PACS1: variants seen among roughly 807,000 people sequenced by gnomAD.
PACS1 encodes PACS-1.
Under a neutral mutation model 115.0 loss-of-function variants are expected in PACS1, and 24 were observed. The ratio of observed to expected loss-of-function variants is 0.21; its 90% CI spans 0.15 to 0.29. The LOEUF (loss-of-function observed/expected upper bound fraction) is 0.29, where lower values mean the gene tolerates loss of function less well. Among genes scored for constraint, PACS1 ranks in the 10% least tolerant of loss-of-function variants. The pLI is 1.00. For missense variants in PACS1, 838 were observed against 1,251.2 expected (o/e 0.67, Z 4.98); for synonymous variants, 453 against 504.5 (o/e 0.90, Z 1.37).
At chr11:66,225,281 C>T (rs1040318669) in intron 10 of PACS1, among the ~76,000 whole-genome samples, 6 of 152,206 alleles carry the variant, frequency 3.9e-5, no homozygotes, top group Non-Finnish European at 7.3e-5. Flanking sequence ...CTTCTGGGAC[C>T]TCTAGTGATA....
chr11:66,081,396 A>G (rs1201484370), intron 1 of PACS1, among the ~76,000 whole-genome samples: 1 of 152,032 alleles, frequency 6.6e-6, no homozygotes, highest in African/African-American at 2.4e-5. Context: ...TTTCTTGTCA[A>G]CCTAATTTCT....
At chr11:66,163,333 A>C (rs1859532603) in intron 1 of PACS1, among the ~76,000 whole-genome samples, 1 of 149,098 alleles carries the variant, frequency 6.7e-6, no homozygotes. Context: ...CATGGGCGAC[A>C]GAGTGAGACC....
intron 19 of PACS1, chr11:66,238,081 G>T (rs1855739945): frequency 1.0e-6 from 1 of 985,386 alleles, no homozygotes; most frequent in Non-Finnish European, 1.2e-6. Context: ...CACCTAGTCT[G>T]TGGCTGTGTT....
chr11:66,217,844 C>T, intron 7 of PACS1: 1 of 287,310 alleles, frequency 3.5e-6, no homozygotes, highest in Non-Finnish European at 6.9e-6. Flanking sequence ...CTTTCTTTTT[C>T]CTGCTCTGTA....
At chr11:66,242,166 G>A (rs1855828500) in intron 22 of PACS1, among the ~76,000 whole-genome samples, 1 of 152,200 alleles carries the variant, frequency 6.6e-6, no homozygotes, top group African/African-American at 2.4e-5. Flanking sequence ...GAGCTGGCCC[G>A]GCTCCTGTGC....
At chr11:66,139,812 G>C (rs1858937371) in intron 1 of PACS1, among the ~76,000 whole-genome samples, 1 of 152,098 alleles carries the variant, frequency 6.6e-6, no homozygotes, top group Admixed American at 6.6e-5. Flanking sequence ...AGTAAACATG[G>C]GAATGCAGAG....
Position 66,229,307 on chromosome 11 carries a change from T to G in PACS1, c.1375-1241T>G, listed in dbSNP as rs944907338. On this transcript the variant is annotated intron_variant, in intron 11 of 23. Coordinates refer to ENST00000320580, the MANE Select transcript of PACS1 (RefSeq NM_018026.4). ...GGAAGGCTGAGGTAAGATAACCACT[T>G]GAGCCCAGGAGTTCAAGGCTGCAGT... Among the ~76,000 whole-genome samples, 9 of 151,530 alleles carry G rather than the reference T, an allele frequency of 5.9e-5. No homozygotes were observed. The South Asian group carries it at 1.5e-3, about 25-fold the overall frequency.
At chr11:66,084,262 C>G (rs10896077) in intron 1 of PACS1, 31,728 of 152,184 alleles carry the variant, frequency 0.21, 3,414 homozygotes, top group Middle Eastern at 0.3. Context: ...GGATGAGGCC[C>G]CCCAGTAGAG....
chr11:66,145,680 T>C (rs1029253784), intron 1 of PACS1, among the ~76,000 whole-genome samples: 7 of 152,148 alleles, frequency 4.6e-5, no homozygotes, highest in Non-Finnish European at 7.3e-5. Flanking sequence ...GAAGGAAATG[T>C]GACAGGGCTG....
chr11:66,192,580 A>T (rs956741383), intron 1 of PACS1, among the ~76,000 whole-genome samples: 2 of 152,202 alleles, frequency 1.3e-5, no homozygotes, highest in Non-Finnish European at 2.9e-5. Flanking sequence ...AGCACGGAGG[A>T]AAAAAGAGGT....
intron 1 of PACS1, among the ~76,000 whole-genome samples, chr11:66,072,169 T>A (rs1457975072): frequency 6.6e-6 from 1 of 152,342 alleles, no homozygotes; most frequent in Middle Eastern, 3.4e-3. Context: ...GTGACTTGAT[T>A]GGTTTTTTTA....
intron 1 of PACS1, among the ~76,000 whole-genome samples, chr11:66,190,073 C>T: frequency 6.6e-6 from 1 of 152,190 alleles, no homozygotes; most frequent in South Asian, 2.1e-4. Context: ...CAAAACCTTT[C>T]TTGTGCCGAT....
rs140226435 is a variant in PACS1 at position 66,229,048 on chromosome 11, C to T, written c.1374+1464C>T. ...GGTTAATTTAGAAAGGTGGCCCAGG[C>T]TGGGTCATGGTGGGCCTCAGAGGCC... On this transcript the variant is annotated intron_variant, in intron 11 of 23. Transcript: ENST00000320580. Among the ~76,000 whole-genome samples, 568 of 151,546 alleles carry T rather than the reference C, an allele frequency of 3.7e-3. 5 individuals are homozygous for T. Among genetic ancestry groups the T allele is most frequent in the African/African-American group, 0.013 (541 of 41,268 alleles).
At chr11:66,131,623 TCTTA>T (rs1354410836) in intron 1 of PACS1, among the ~76,000 whole-genome samples, 1 of 152,162 alleles carries the variant, frequency 6.6e-6, no homozygotes, top group Non-Finnish European at 1.5e-5. Flanking sequence ...CTTTTTGATG[TCTTA>T]CTTAAGAAAT....
intron 1 of PACS1, among the ~76,000 whole-genome samples, chr11:66,075,852 C>T (rs1857386918): frequency 1.3e-5 from 2 of 151,898 alleles, no homozygotes; most frequent in Non-Finnish European, 2.9e-5. Flanking sequence ...ATTCTCCTGC[C>T]TCAGCCTGCC....
rs777083863 is a variant in PACS1, at chr11:66,216,489, C to G, written c.806-31C>G. The G allele has an allele frequency of 5.1e-6, 8 of 1,581,290 alleles. No individual in the cohort carries two copies. In the East Asian group the frequency reaches 1.6e-4, roughly 31 times the overall value. On this transcript the variant is annotated intron_variant, in intron 5 of 23. Transcript: ENST00000320580. ...TTTCTTAGGCCAGATCTTCCCATTG[C>G]AAGGTTATCTTACTCAGGTGTCTGT...
intron 1 of PACS1, among the ~76,000 whole-genome samples, chr11:66,173,091 GTTTTTTTTTTTT>G (rs1859776666): frequency 7.0e-6 from 1 of 142,482 alleles, no homozygotes; most frequent in Non-Finnish European, 1.5e-5. Context: ...TTTGATTTTG[GTTTTTTTTTTTT>G]GTTTTTTTTT....
At chr11:66,130,792 G>A (rs965847353) in intron 1 of PACS1, among the ~76,000 whole-genome samples, 2 of 152,102 alleles carry the variant, frequency 1.3e-5, no homozygotes, top group African/African-American at 4.8e-5. Context: ...ATGCTCTGTG[G>A]GTATAGTGGC....
At chr11:66,211,918 C>G (rs1855080505) in intron 4 of PACS1, among the ~76,000 whole-genome samples, 1 of 152,130 alleles carries the variant, frequency 6.6e-6, no homozygotes, top group Non-Finnish European at 1.5e-5. Flanking sequence ...GTTTTCCTTA[C>G]CTTTCATGAC....
Sources: gnomAD v4.1 joint callset for allele counts (sites outside exome capture counted in the v4.1 genomes callset) on GRCh38, gnomAD v4.1.1 for gene constraint, MANE v1.5 for transcripts, NCBI Gene and HGNC (gene_info 2026-07-23, HGNC 2026-07-21) for gene names.